The following PRKG1 variants were observed in gnomAD, a reference collection of about 807,000 sequenced individuals.
The protein encoded by PRKG1 is cGMP-dependent protein kinase 1.
Under a neutral mutation model 88.1 loss-of-function variants are expected in PRKG1, and 35 were observed. That is an observed-to-expected ratio of 0.40 (90% CI 0.30 to 0.53). The LOEUF (loss-of-function observed/expected upper bound fraction) is 0.53. Ranked by LOEUF, PRKG1 falls within the 20% of genes least tolerant of loss-of-function variation. The pLI is 0.59. For synonymous variants in PRKG1, 303 were observed against 292.5 expected, an observed-to-expected ratio of 1.04 and a Z score of -0.37; for missense variants, 540 against 839.8, an observed-to-expected ratio of 0.64 and a Z score of 4.41.
At chr10:51,713,059 G>A (rs908845485) in intron 3 of PRKG1, among the ~76,000 whole-genome samples, 1 of 152,042 alleles carries the variant, frequency 6.6e-6, no homozygotes, top group African/African-American at 2.4e-5. Context: ...AAAAGCCAGA[G>A]CTGGAATATA....
At position 51,370,973 on chromosome 10, in the gene PRKG1, T is replaced by C. The variant is rs142372681; in HGVS notation, c.479-96750T>C. 1.6e-4 allele frequency among the ~76,000 whole-genome samples: 24 copies of C among 152,254 alleles called. No individual in the cohort carries two copies. The East Asian group carries it at 4.4e-3, about 28-fold the overall frequency. On this transcript the variant is annotated intron_variant, in intron 2 of 17. Coordinates refer to ENST00000373980, the MANE Select transcript of PRKG1 (RefSeq NM_006258.4). ...AATTTGTCCTATAACTTTTTAAACTTTGTGTGCCCTACACCCTCTATATTC... is the reference window on the plus strand; with the variant it reads ...AATTTGTCCTATAACTTTTTAAACTCTGTGTGCCCTACACCCTCTATATTC...
At chr10:51,278,877 A>G (rs868093446) in intron 2 of PRKG1, among the ~76,000 whole-genome samples, 4 of 152,016 alleles carry the variant, frequency 2.6e-5, no homozygotes, top group African/African-American at 9.7e-5. Context: ...GCGGTCAATC[A>G]ATTTTATTGA....
chr10:52,171,357 AT>A (rs1838670372), intron 9 of PRKG1, among the ~76,000 whole-genome samples: 1 of 152,154 alleles, frequency 6.6e-6, no homozygotes, highest in African/African-American at 2.4e-5. Context: ...AACACTGAGA[AT>A]GGCATTGTGA....
At chr10:52,173,619 T>A (rs1198276187) in intron 9 of PRKG1, among the ~76,000 whole-genome samples, 1 of 152,218 alleles carries the variant, frequency 6.6e-6, no homozygotes, top group Non-Finnish European at 1.5e-5. Context: ...CATTTACATG[T>A]ATCACACCAT....
chr10:51,928,372 G>A (rs574430210), intron 5 of PRKG1, among the ~76,000 whole-genome samples: 4 of 152,272 alleles, frequency 2.6e-5, no homozygotes, highest in South Asian at 2.1e-4. Flanking sequence ...AACTATTATC[G>A]TTTTCTGTCA....
At chr10:51,975,065 G>A (rs954774712) in intron 5 of PRKG1, among the ~76,000 whole-genome samples, 3 of 152,058 alleles carry the variant, frequency 2.0e-5, no homozygotes, top group South Asian at 2.1e-4. Context: ...GAAGACTGAT[G>A]TATTTATAAA....
At chr10:52,024,798 A>G (rs1172061899) in intron 5 of PRKG1, among the ~76,000 whole-genome samples, 1 of 152,158 alleles carries the variant, frequency 6.6e-6, no homozygotes, top group Non-Finnish European at 1.5e-5. Context: ...ATACGTGTGC[A>G]TGTGTCTTTA....
At chr10:52,158,103 T>G (rs1287669945) in intron 8 of PRKG1, among the ~76,000 whole-genome samples, 1 of 151,766 alleles carries the variant, frequency 6.6e-6, no homozygotes, top group Non-Finnish European at 1.5e-5. Context: ...GAAATTAAGT[T>G]TAGCATGTAG....
chr10:51,978,915 C>G (rs768599955), intron 5 of PRKG1, among the ~76,000 whole-genome samples: 1 of 151,886 alleles, frequency 6.6e-6, no homozygotes, highest in Non-Finnish European at 1.5e-5. Flanking sequence ...ACAAGGATAG[C>G]TTGACTTCCT....
intron 1 of PRKG1, among the ~76,000 whole-genome samples, chr10:51,138,279 A>G (rs1845734082): frequency 6.6e-6 from 1 of 152,192 alleles, no homozygotes; most frequent in African/African-American, 2.4e-5. Context: ...TCAGCACAGA[A>G]ACCTTAATGA....
chr10:51,480,767 A>G (rs192257676), intron 3 of PRKG1, among the ~76,000 whole-genome samples: 1 of 152,288 alleles, frequency 6.6e-6, no homozygotes, highest in Non-Finnish European at 1.5e-5. Context: ...ATATGGGAAG[A>G]TTTGTAATGT....
chr10:51,755,081 T>C (rs1038120011), intron 3 of PRKG1, among the ~76,000 whole-genome samples: 3 of 152,224 alleles, frequency 2.0e-5, no homozygotes, highest in African/African-American at 7.2e-5. Context: ...TCTCATTTTT[T>C]AAGTATGGAA....
intron 9 of PRKG1, among the ~76,000 whole-genome samples, chr10:52,177,880 T>G (rs1838906991): frequency 6.6e-6 from 1 of 151,118 alleles, no homozygotes; most frequent in Non-Finnish European, 1.5e-5. Context: ...ATTTGGTTCT[T>G]TTTTTTTTCC....
chr10:51,627,929 T>C (rs56372663), intron 3 of PRKG1, among the ~76,000 whole-genome samples: 760 of 41,440 alleles, frequency 0.018, 17 homozygotes, highest in African/African-American at 0.038. Flanking sequence ...TCCCTTCCTT[T>C]CTTCCTTCCT....
chr10:51,989,203 C>T (rs1040405045), intron 5 of PRKG1, among the ~76,000 whole-genome samples: 1 of 151,904 alleles, frequency 6.6e-6, no homozygotes, highest in Admixed American at 6.6e-5. Flanking sequence ...GGTATGTTAT[C>T]GGATGGGTGG....
At chr10:51,407,312 T>TTA (rs35520315) in intron 2 of PRKG1, among the ~76,000 whole-genome samples, 88,168 of 151,814 alleles carry the variant, frequency 0.58, 26,153 homozygotes, top group Middle Eastern at 0.68. Context: ...AATGTCATAA[T>TTA]TACACTTATC....
rs1847782876 is a variant in PRKG1, at chr10:52,120,029, GAGAC to G, written c.936-13807_936-13804del. ...ACAGAGAGAGAGAGACAGAGGCAGA[GAGAC>G]AGAGAGAGGGAGACAGAGACAGAGA... is the stretch of plus-strand genomic sequence containing the variant. On this transcript the variant is annotated intron_variant, in intron 7 of 17. Coordinates refer to ENST00000373980, the MANE Select transcript of PRKG1 (RefSeq NM_006258.4). Among the ~76,000 whole-genome samples, 3 of 151,934 alleles carry G rather than the reference GAGAC, an allele frequency of 2.0e-5. No individual in the cohort carries two copies. In the South Asian group the frequency reaches 6.2e-4, roughly 32 times the overall value.
chr10:51,410,236 GTA>G (rs993464606), intron 2 of PRKG1, among the ~76,000 whole-genome samples: 3 of 126,876 alleles, frequency 2.4e-5, no homozygotes, highest in African/African-American at 1.0e-4. Flanking sequence ...ATGTGTGTGT[GTA>G]TGTGTGTGTG....
At chr10:51,723,700 T>C (rs10999094) in intron 3 of PRKG1, among the ~76,000 whole-genome samples, 89,652 of 151,936 alleles carry the variant, frequency 0.59, 27,173 homozygotes, top group African/African-American at 0.69. Context: ...TGCTGCAACC[T>C]TGAAAGATCA....
Sources: gnomAD v4.1 joint callset for allele counts (sites outside exome capture counted in the v4.1 genomes callset) on GRCh38, gnomAD v4.1.1 for gene constraint, MANE v1.5 for transcripts, NCBI Gene and HGNC (gene_info 2026-07-23, HGNC 2026-07-21) for gene names.